The following DPF3 variants were observed in gnomAD, a reference collection of about 807,000 sequenced individuals.
The protein encoded by DPF3 is double PHD fingers 3.
In DPF3, 18 loss-of-function variants were observed where a neutral mutation model predicts 56.8. The observed-to-expected ratio is 0.32, with a 90% CI of 0.22 to 0.47. The LOEUF (loss-of-function observed/expected upper bound fraction) is 0.47, where lower values mean the gene tolerates loss of function less well. DPF3 is among the 20% of genes least tolerant of loss of function. The probability of loss-of-function intolerance (pLI) is 1.00; values close to 1 mark genes in which losing one functional copy is unlikely to be tolerated. For synonymous variants in DPF3, 188 were observed against 180.2 expected (o/e 1.04, Z -0.35); for missense variants, 403 against 488.8 (o/e 0.82, Z 1.65).
intron 1 of DPF3, among the ~76,000 whole-genome samples, chr14:72,852,605 C>T (rs568965783): frequency 1.3e-5 from 2 of 152,338 alleles, no homozygotes; most frequent in East Asian, 3.9e-4. Context: ...TGGCAATAAA[C>T]GTCACACATT....
chr14:72,799,574 T>G (rs1404532503), intron 1 of DPF3, among the ~76,000 whole-genome samples: 1 of 152,030 alleles, frequency 6.6e-6, no homozygotes, highest in Non-Finnish European at 1.5e-5. Context: ...GAGGATCGCT[T>G]GAGCCCAGTG....
intron 6 of DPF3, among the ~76,000 whole-genome samples, chr14:72,709,240 C>T (rs1888550496): frequency 6.6e-6 from 1 of 152,206 alleles, no homozygotes; most frequent in Non-Finnish European, 1.5e-5. Flanking sequence ...AGAACAGAGA[C>T]TTTGCTGAGA....
At chr14:72,875,429 A>G (rs1886075514) in intron 1 of DPF3, among the ~76,000 whole-genome samples, 1 of 152,028 alleles carries the variant, frequency 6.6e-6, no homozygotes, top group African/African-American at 2.4e-5. Flanking sequence ...TTGTGTGCCG[A>G]CTCTACTAAG....
intron 7 of DPF3, among the ~76,000 whole-genome samples, chr14:72,677,809 T>C (rs1886979461): frequency 6.6e-6 from 1 of 152,146 alleles, no homozygotes; most frequent in Admixed American, 6.5e-5. Flanking sequence ...CGGTAGCCAA[T>C]GGCCCTGAGT....
rs1887753510 is a variant in DPF3, at chr14:72,692,938, C to T, written c.742+138G>A. The T allele has an allele frequency of 2.1e-6, 3 of 1,439,742 alleles. No individual in the cohort carries two copies. In the South Asian group the frequency reaches 4.1e-5, roughly 20 times the overall value. 89.2% of individuals were successfully genotyped at this position (1,439,742 alleles called of 1,614,324 possible). On this transcript the variant is annotated intron_variant, in intron 7 of 10. Coordinates refer to ENST00000556509, the MANE Select transcript of DPF3 (RefSeq NM_001280542.3). ...GCAGCTGGCTGGCTGGCTGAAAGGGCCAACACACTACAGCACATTGAGACC... is the reference window on the plus strand; with the variant it reads ...GCAGCTGGCTGGCTGGCTGAAAGGGTCAACACACTACAGCACATTGAGACC...
chr14:72,874,622 A>G (rs187299374), intron 1 of DPF3, among the ~76,000 whole-genome samples: 1 of 152,350 alleles, frequency 6.6e-6, no homozygotes, highest in East Asian at 1.9e-4. Flanking sequence ...AAACATAACA[A>G]GAGTCACCTT....
At chr14:72,775,637 A>C (rs1351559010) in intron 1 of DPF3, among the ~76,000 whole-genome samples, 2 of 152,232 alleles carry the variant, frequency 1.3e-5, no homozygotes, top group Admixed American at 6.5e-5. Flanking sequence ...ATGTAAACAG[A>C]AAAGACTTTC....
chr14:72,677,828 G>T (rs1044148883), intron 7 of DPF3, among the ~76,000 whole-genome samples: 2 of 152,204 alleles, frequency 1.3e-5, no homozygotes, highest in Non-Finnish European at 2.9e-5. Flanking sequence ...GTCACTGGAA[G>T]AATAATACTG....
chr14:72,891,981 C>T (rs923226376), intron 1 of DPF3, among the ~76,000 whole-genome samples: 1 of 152,064 alleles, frequency 6.6e-6, no homozygotes. Context: ...CCTTCCCCCA[C>T]CCTTAACCCC....
chr14:72,627,466 G>C (rs1268128982), intron 9 of DPF3, among the ~76,000 whole-genome samples: 1 of 151,988 alleles, frequency 6.6e-6, no homozygotes, highest in East Asian at 1.9e-4. Context: ...TCCATATGTA[G>C]TTGGATCTAT....
chr14:72,612,336 C>T lies in DPF3; in HGVS notation c.*6961G>A, dbSNP rs1029384595. On this transcript the variant is annotated 3_prime_UTR_variant, in exon 11 of 11. Transcript: ENST00000556509. Reference sequence around the variant, plus strand: ...GGGACGCCCTGCCTACCTACCCCGCCTCTCTCCAGCCACCTGCTCCCCACC... The same window carrying T: ...GGGACGCCCTGCCTACCTACCCCGCTTCTCTCCAGCCACCTGCTCCCCACC... 1.1e-4 allele frequency: 48 copies of T among 437,444 alleles called. No individual in the cohort carries two copies. The highest frequency in any genetic ancestry group is 5.9e-4 in the African/African-American group (29 of 49,260). 27.1% of individuals were successfully genotyped at this position (437,444 alleles called of 1,614,324 possible).
intron 7 of DPF3, among the ~76,000 whole-genome samples, chr14:72,679,544 C>T (rs1236913707): frequency 6.6e-6 from 1 of 152,194 alleles, no homozygotes; most frequent in African/African-American, 2.4e-5. Context: ...AATTCGGGGG[C>T]AGTGAGCAGA....
chr14:72,834,817 T>C (rs1599483194), intron 1 of DPF3, among the ~76,000 whole-genome samples: 2 of 152,308 alleles, frequency 1.3e-5, no homozygotes, highest in South Asian at 2.1e-4. Context: ...AACAGATGAA[T>C]AGGTAAATCA....
chr14:72,863,523 C>T (rs1246217336), intron 1 of DPF3, among the ~76,000 whole-genome samples: 1 of 150,234 alleles, frequency 6.7e-6, no homozygotes, highest in Non-Finnish European at 1.5e-5. Flanking sequence ...AATTTCATGA[C>T]CCTCTTGCTT....
intron 2 of DPF3, among the ~76,000 whole-genome samples, chr14:72,764,836 T>C (rs922915531): frequency 6.6e-6 from 1 of 152,168 alleles, no homozygotes; most frequent in East Asian, 1.9e-4. Flanking sequence ...GGGGCAGTCA[T>C]GGAAACCTCC....
intron 6 of DPF3, among the ~76,000 whole-genome samples, chr14:72,713,378 A>G (rs565129482): frequency 8.9e-4 from 135 of 152,210 alleles, no homozygotes; most frequent in African/African-American, 3.2e-3. Context: ...GGGGAGACAA[A>G]AGACACCACC....
intron 4 of DPF3, among the ~76,000 whole-genome samples, chr14:72,726,303 G>T (rs537792259): frequency 6.6e-6 from 1 of 152,150 alleles, no homozygotes; most frequent in Non-Finnish European, 1.5e-5. Flanking sequence ...GTACAACTCC[G>T]ACTCTCATTT....
chr14:72,875,868 C>T (rs907114269), intron 1 of DPF3, among the ~76,000 whole-genome samples: 1 of 152,158 alleles, frequency 6.6e-6, no homozygotes, highest in Non-Finnish European at 1.5e-5. Context: ...CCACCCCGAT[C>T]CCCCTAGGAG....
chr14:72,675,903 T>C (rs987397083), intron 7 of DPF3: 5 of 152,212 alleles, frequency 3.3e-5, no homozygotes, highest in African/African-American at 1.2e-4. Context: ...TTGCATGGCA[T>C]ACAGAATGCT....
Sources: allele counts gnomAD v4.1 joint callset (sites outside exome capture counted in the v4.1 genomes callset), GRCh38; gene constraint gnomAD v4.1.1; transcripts MANE v1.5; gene names NCBI Gene and HGNC (gene_info 2026-07-23, HGNC 2026-07-21).